Variants in LRP1B observed in about 807,000 individuals in gnomAD.
The protein encoded by LRP1B is LDL receptor related protein 1B, also known as low-density lipoprotein receptor-related protein 1B.
LRP1B carries 217 observed loss-of-function variants against 556.6 expected under a neutral mutation model. The ratio of observed to expected loss-of-function variants is 0.39; its 90% CI spans 0.35 to 0.44. The LOEUF (loss-of-function observed/expected upper bound fraction) is 0.44. Among genes scored for constraint, LRP1B ranks in the 20% least tolerant of loss-of-function variants. LRP1B has a pLI of 1.00. For missense variants in LRP1B, 5,053 were observed against 5,620.8 expected, an observed-to-expected ratio of 0.90 and a Z score of 3.23; for synonymous variants, 2,047 against 1,865.8, an observed-to-expected ratio of 1.10 and a Z score of -2.50.
chr2:140,665,606 C>T (rs1218155761), intron 41 of LRP1B, among the ~76,000 whole-genome samples: 9 of 152,056 alleles, frequency 5.9e-5, no homozygotes. Flanking sequence ...TTCATTATTG[C>T]AGAGCTTTTG....
chr2:140,337,151 C>T (rs981050356), intron 77 of LRP1B, among the ~76,000 whole-genome samples: 2 of 151,838 alleles, frequency 1.3e-5, no homozygotes, highest in Non-Finnish European at 1.5e-5. Flanking sequence ...TCACTGTCTG[C>T]CGCATGATTA....
chr2:141,820,293 G>A (rs543563967), intron 1 of LRP1B, among the ~76,000 whole-genome samples: 3 of 152,046 alleles, frequency 2.0e-5, no homozygotes, highest in Non-Finnish European at 4.4e-5. Flanking sequence ...AGGATAAAAT[G>A]TACTATCTTA....
At chr2:141,268,858 C>A (rs1054865828) in intron 3 of LRP1B, among the ~76,000 whole-genome samples, 7 of 152,146 alleles carry the variant, frequency 4.6e-5, no homozygotes, top group Non-Finnish European at 7.3e-5. Context: ...AGGGTAGAAG[C>A]TCTATCCCAG....
At chr2:140,248,691 G>T (rs1363998162) in intron 86 of LRP1B, among the ~76,000 whole-genome samples, 1 of 151,234 alleles carries the variant, frequency 6.6e-6, no homozygotes, top group Non-Finnish European at 1.5e-5. Flanking sequence ...TTTAATTTGT[G>T]GTATTTGCAG....
chr2:140,766,822 A>AATATATATATATTATATATAT (rs1205192418), intron 35 of LRP1B, among the ~76,000 whole-genome samples: 2 of 105,642 alleles, frequency 1.9e-5, no homozygotes, highest in African/African-American at 8.8e-5. Flanking sequence ...ATCTTTGTAA[A>AATATATATATATTATATATAT]ATATATATAT....
intron 3 of LRP1B, among the ~76,000 whole-genome samples, chr2:141,341,693 T>C (rs1004233984): frequency 1.3e-5 from 2 of 152,208 alleles, no homozygotes; most frequent in East Asian, 1.9e-4. Context: ...ATGGAAATAA[T>C]GTGAGCTTCT....
At chr2:140,351,672 C>T (rs1283971308) in intron 76 of LRP1B, among the ~76,000 whole-genome samples, 1 of 150,402 alleles carries the variant, frequency 6.6e-6, no homozygotes, top group Non-Finnish European at 1.5e-5. Context: ...CAAGTAAAAC[C>T]CTAAAGCAAA....
chr2:141,130,065 A>G lies in LRP1B; in HGVS notation c.1013+58356T>C, dbSNP rs114027831. ...TAAAGTACTTCAAAAAATGTAAAAA[A>G]TAATGTTGGCATGGGAGAGGTTTTA... On this transcript the variant is annotated intron_variant, in intron 7 of 90. Coordinates refer to ENST00000389484, the MANE Select transcript of LRP1B (RefSeq NM_018557.3). 7.7e-3 allele frequency among the ~76,000 whole-genome samples: 1,168 copies of G among 152,170 alleles called. 8 individuals are homozygous for G. Among genetic ancestry groups the G allele is most frequent in the Middle Eastern group, 0.035 (10 of 284 alleles).
intron 7 of LRP1B, among the ~76,000 whole-genome samples, chr2:141,106,491 G>A (rs1700605141): frequency 6.6e-6 from 1 of 151,694 alleles, no homozygotes; most frequent in Non-Finnish European, 1.5e-5. Context: ...TGACCATCAA[G>A]CAGGCCATCC....
intron 1 of LRP1B, among the ~76,000 whole-genome samples, chr2:141,925,540 C>T (rs1480744012): frequency 1.3e-5 from 2 of 152,128 alleles, no homozygotes; most frequent in Admixed American, 1.3e-4. Flanking sequence ...AAGATTGTTA[C>T]AATTTGCATC....
chr2:141,959,999 G>C (rs935817168), intron 1 of LRP1B, among the ~76,000 whole-genome samples: 1 of 151,870 alleles, frequency 6.6e-6, no homozygotes, highest in African/African-American at 2.4e-5. Flanking sequence ...CAAGAAAGTT[G>C]TTTTGCAGTG....
intron 2 of LRP1B, among the ~76,000 whole-genome samples, chr2:141,759,688 A>G (rs1466917754): frequency 6.6e-6 from 1 of 152,228 alleles, no homozygotes; most frequent in Non-Finnish European, 1.5e-5. Flanking sequence ...GATAGAAAAA[A>G]TAAACAAGCA....
chr2:141,910,358 C>G (rs932719171), intron 1 of LRP1B, among the ~76,000 whole-genome samples: 3 of 152,052 alleles, frequency 2.0e-5, no homozygotes, highest in Non-Finnish European at 4.4e-5. Context: ...CTCTGCTACA[C>G]AGTGTTTATG....
At chr2:141,480,364 T>C (rs745811926) in intron 3 of LRP1B, 32 bp downstream of exon 3, 9 of 1,612,302 alleles carry the variant, frequency 5.6e-6, no homozygotes, top group East Asian at 2.2e-5. Context: ...AAATTTAATA[T>C]TTCAGTTGCA....
At chr2:140,618,542 T>C (rs987952311) in intron 41 of LRP1B, among the ~76,000 whole-genome samples, 4 of 152,162 alleles carry the variant, frequency 2.6e-5, no homozygotes, top group Non-Finnish European at 5.9e-5. Context: ...ATATGCCTTC[T>C]GAAAGAGAAA....
chr2:140,483,805 T>C (rs1688355198), intron 59 of LRP1B, among the ~76,000 whole-genome samples: 1 of 151,634 alleles, frequency 6.6e-6, no homozygotes, highest in Non-Finnish European at 1.5e-5. Context: ...CACGCCTGGC[T>C]AATTTTTGTA....
intron 84 of LRP1B, among the ~76,000 whole-genome samples, chr2:140,281,075 G>A (rs1339553287): frequency 6.6e-6 from 1 of 151,824 alleles, no homozygotes; most frequent in Non-Finnish European, 1.5e-5. Flanking sequence ...CAGAAGTAAA[G>A]TAATTTTCAA....
At chr2:140,675,730 T>C (rs1452506695) in intron 41 of LRP1B, among the ~76,000 whole-genome samples, 1 of 152,142 alleles carries the variant, frequency 6.6e-6, no homozygotes, top group Non-Finnish European at 1.5e-5. Context: ...TGCACTATGA[T>C]TGCACCTCTG....
At chr2:141,222,160 A>G (rs1384835565) in intron 6 of LRP1B, among the ~76,000 whole-genome samples, 4 of 152,146 alleles carry the variant, frequency 2.6e-5, no homozygotes, top group Non-Finnish European at 5.9e-5. Context: ...ACTAATAAGG[A>G]AGAAAAGAGA....
Sources: allele counts gnomAD v4.1 joint callset (sites outside exome capture counted in the v4.1 genomes callset), GRCh38; gene constraint gnomAD v4.1.1; transcripts MANE v1.5; gene names NCBI Gene and HGNC (gene_info 2026-07-23, HGNC 2026-07-21).